The following POLG variants were observed in gnomAD, a reference collection of about 807,000 sequenced individuals.
POLG encodes DNA polymerase gamma, catalytic subunit.
POLG carries 110 observed loss-of-function variants against 155.4 expected under a neutral mutation model. That is an observed-to-expected ratio of 0.71 (90% CI 0.61 to 0.83). The LOEUF (loss-of-function observed/expected upper bound fraction) is 0.83, where lower values mean the gene tolerates loss of function less well. Ranked by LOEUF, POLG falls within the 40% of genes least tolerant of loss-of-function variation. The probability of loss-of-function intolerance (pLI) is 0.00; values close to 1 mark genes in which losing one functional copy is unlikely to be tolerated. For missense variants in POLG, 1,685 were observed against 1,627.5 expected, an observed-to-expected ratio of 1.04 and a Z score of -0.61; for synonymous variants, 701 against 631.5, an observed-to-expected ratio of 1.11 and a Z score of -1.65.
intron 12 of POLG, 108 bp from the exon 13 acceptor site, chr15:89,323,619 G>A: frequency 1.2e-6 from 1 of 834,248 alleles, no homozygotes; most frequent in East Asian, 2.6e-5. Flanking sequence ...CATCAGCTGG[G>A]AAATGACAAG....
chr15:89,328,623 C>A (rs932980713), intron 5 of POLG, 62 bp downstream of exon 5: 5 of 1,606,084 alleles, frequency 3.1e-6, no homozygotes, highest in Non-Finnish European at 4.3e-6. Context: ...AGCTGCATCT[C>A]CCCAAGTGCA....
chr15:89,319,062 C>A lies in POLG; in HGVS notation c.3142G>T (p.Ala1048Ser), dbSNP rs762244296. Reference protein sequence around the residue: ...WKKWEVVAERAWKGGTESEMF... With the variant: ...WKKWEVVAERSWKGGTESEMF... ...TCTGACTCTGTGCCCCCCTTCCATG[C>A]CCGTTCAGCAACCACCTCCCACTTC... Residue 1048 changes from alanine (A) to serine (S), a missense_variant, in exon 20 of 23, where the codon GCA (alanine) becomes TCA (serine). This residue lies in a region of POLG where 470 missense variants were observed against 439.9 expected (regional missense o/e 1.07). Transcript: ENST00000268124. The A allele has an allele frequency of 1.2e-6, 2 of 1,614,172 alleles. No individual in the cohort carries two copies. Among genetic ancestry groups the A allele is most frequent in the Middle Eastern group, 1.7e-4 (1 of 6,060 alleles).
rs754696832 is a variant in POLG, at chr15:89,330,197, G to C, written c.739C>G (p.Leu247Val). Residue 247 changes from leucine to valine, a missense_variant, in exon 3 of 23, where the codon CTG becomes GTG. By Grantham distance (32) the Leu-to-Val change is conservative. Transcript: ENST00000268124. Reference sequence around the variant, plus strand: ...CTGCTGGCACCAGTAGGGACCTCCAGGGGGATGAGGTCAGCCGGCGACAGC... The same window carrying C: ...CTGCTGGCACCAGTAGGGACCTCCACGGGGATGAGGTCAGCCGGCGACAGC... ...SQLSPADLIP[L>V]EVPTGASSPT... is the part of the protein sequence containing the mutation. 45 of 1,613,240 alleles carry C rather than the reference G, an allele frequency of 2.8e-5. No individual in the cohort carries two copies. The highest frequency in any genetic ancestry group is 3.6e-5 in the Non-Finnish European group (43 of 1,179,598).
chr15:89,333,330 A>T lies in POLG; in HGVS notation c.425T>A (p.Leu142Gln). 1.3e-6 allele frequency: 2 copies of T among 1,559,706 alleles called. No individual in the cohort carries two copies. Among genetic ancestry groups the T allele is most frequent in the South Asian group, 1.2e-5 (1 of 86,514 alleles). Residue 142 changes from leucine to glutamine, a missense_variant, in exon 2 of 23, where the codon CTG becomes CAG. Transcript: ENST00000268124. ...GDNLDQHFRL[L>Q]AQKQSLPYLE... is the part of the protein sequence containing the mutation. Reference sequence around the variant, plus strand: ...GTAGGGCAGGCTCTGCTTCTGGGCCAGGAGGCGGAAGTGCTGGTCCAGGTT... The same window carrying T: ...GTAGGGCAGGCTCTGCTTCTGGGCCTGGAGGCGGAAGTGCTGGTCCAGGTT...
chr15:89,329,884 C>A (rs2055571746), intron 3 of POLG, among the ~76,000 whole-genome samples, 197 bp downstream of exon 3: 1 of 152,172 alleles, frequency 6.6e-6, no homozygotes, highest in Non-Finnish European at 1.5e-5. Flanking sequence ...AACTTAGGTC[C>A]TATACCAGGC....
At chr15:89,325,179 A>AGAGT (rs753140211) in intron 10 of POLG, among the ~76,000 whole-genome samples, 3 of 59,470 alleles carry the variant, frequency 5.0e-5, no homozygotes, top group African/African-American at 3.2e-4. Flanking sequence ...AGAGAGTGAG[A>AGAGT]GAGTGAGTGA....
At chr15:89,331,891 G>A (rs1275347423) in intron 2 of POLG, among the ~76,000 whole-genome samples, 6 of 152,072 alleles carry the variant, frequency 3.9e-5, no homozygotes, top group African/African-American at 1.5e-4. Context: ...GGCAAGAATG[G>A]AATGAGAATG....
intron 6 of POLG, 143 bp from the exon 7 acceptor site, chr15:89,327,492 T>C: frequency 1.3e-6 from 1 of 744,792 alleles, no homozygotes; most frequent in Non-Finnish European, 2.3e-6. Flanking sequence ...CCAGCTCTAC[T>C]GTTACTCATC....
Position 89,316,329 on chromosome 15 carries a change from CTTCT to C in POLG, c.*418_*421del, listed in dbSNP as rs948105480. The C allele has an allele frequency of 4.7e-6, 7 of 1,482,580 alleles. No individual in the cohort carries two copies. Among genetic ancestry groups the C allele is most frequent in the Non-Finnish European group, 6.5e-6 (7 of 1,084,714 alleles). The allele number at this position is 1,482,580 out of a possible 1,614,324, so 91.8% of individuals were successfully genotyped here. A position where few individuals can be genotyped will look rare whatever the true frequency, so the allele number is the denominator to read the frequency against. On this transcript the variant is annotated 3_prime_UTR_variant, in exon 23 of 23. Transcript: ENST00000268124. The stretch of plus-strand genomic sequence containing the variant: ...ATGAGAAGATAGAGTCTTTTTTTTC[CTTCT>C]TTTTATTTCCACTGCCTTGGAGCAG...
rs751496337 is a variant in POLG at position 89,327,083 on chromosome 15, G to C, written c.1434-20C>G. On this transcript the variant is annotated intron_variant, in intron 7 of 22. Transcript: ENST00000268124. ...TTGTACCTACAGAGCCAGTCCACTAGGGCAGGGCTAAGGCTAAGCCGAAGG... is the reference window on the plus strand; with the variant it reads ...TTGTACCTACAGAGCCAGTCCACTACGGCAGGGCTAAGGCTAAGCCGAAGG... 12 of 1,614,088 alleles carry C rather than the reference G, an allele frequency of 7.4e-6. No individual in the cohort carries two copies. In the East Asian group the frequency reaches 2.2e-4, roughly 30 times the overall value.
rs1349619492 is a variant in POLG at position 89,325,091 on chromosome 15, AGT to A, written c.1949+357_1949+358del. Among the ~76,000 whole-genome samples, 18 of 93,808 alleles carry A rather than the reference AGT, an allele frequency of 1.9e-4. 2 individuals are homozygous for A. The East Asian group carries it at 2.9e-3, about 15-fold the overall frequency. 61.5% of individuals were successfully genotyped at this position (93,808 alleles called of 152,430 possible). On this transcript the variant is annotated intron_variant, in intron 10 of 22. Coordinates refer to ENST00000268124, the MANE Select transcript of POLG (RefSeq NM_002693.3). Reference sequence around the variant, plus strand: ...GAGTGAGTGAGTGAGTGAGAGAGTGAGTGAGTGAGAGAGTGAGAGAGAGTGAG... The same window carrying A: ...GAGTGAGTGAGTGAGTGAGAGAGTGAGAGTGAGAGAGTGAGAGAGAGTGAG...
At chr15:89,317,752 C>A in intron 21 of POLG, 2 of 544,386 alleles carry the variant, frequency 3.7e-6, no homozygotes, top group Admixed American at 3.3e-5. Flanking sequence ...ATTATGGACT[C>A]AACATACTTT....
At chr15:89,320,658 G>C (rs1038969478) in intron 18 of POLG, 108 bp downstream of exon 18, 51 of 1,264,180 alleles carry the variant, frequency 4.0e-5, no homozygotes, top group South Asian at 3.0e-4. Context: ...GAGGGGCTAG[G>C]TGAGAGTTCA....
chr15:89,317,812 C>T, intron 21 of POLG: 1 of 470,436 alleles, frequency 2.1e-6, no homozygotes, highest in South Asian at 2.2e-5. Context: ...TACGAAATCA[C>T]TTCCAATTGG....
rs776821667 is a variant in POLG at position 89,326,749 on chromosome 15, G to C, written c.1586-11C>G. On this transcript the variant is annotated splice_polypyrimidine_tract_variant and intron_variant, in intron 8 of 22. Coordinates refer to ENST00000268124, the MANE Select transcript of POLG (RefSeq NM_002693.3). ...TGCAGGGGCCGAGGTCTGTGAGGGT[G>C]GGGGAAGACAATCAGGAGCAGGAGA... 2.1e-5 allele frequency: 34 copies of C among 1,613,934 alleles called. No individual in the cohort carries two copies. Among genetic ancestry groups the C allele is most frequent in the Non-Finnish European group, 3.4e-6 (4 of 1,180,022 alleles).
At chr15:89,317,167 G>A in intron 22 of POLG, 1 of 616,972 alleles carries the variant, frequency 1.6e-6, no homozygotes, top group Admixed American at 2.7e-5. Context: ...GGTACAGGTA[G>A]AATATTTGAA....
At chr15:89,331,235 C>G (rs970728065) in intron 2 of POLG, among the ~76,000 whole-genome samples, 2 of 152,154 alleles carry the variant, frequency 1.3e-5, no homozygotes, top group Non-Finnish European at 2.9e-5. Flanking sequence ...TAGTTTTAAA[C>G]CTGACAAAAT....
chr15:89,318,187 A>AAAAC (rs551492104), intron 21 of POLG: 1 of 238,276 alleles, frequency 4.2e-6, no homozygotes, highest in Non-Finnish European at 8.3e-6. Flanking sequence ...GGGAGAAAGA[A>AAAAC]AAACAAACAT....
rs3087379 is a variant in POLG, at chr15:89,333,085, C to A, written c.659+11G>T. ...ATGCCTGCTTATGTCCCCAACCCTG[C>A]CCCTACTTACCAGGCCGAGGGGGAT... On this transcript the variant is annotated intron_variant, in intron 2 of 22. Coordinates refer to ENST00000268124, the MANE Select transcript of POLG (RefSeq NM_002693.3). 331 of 1,510,744 alleles carry A rather than the reference C, an allele frequency of 2.2e-4. 4 individuals are homozygous for A. The South Asian group carries it at 4.0e-3, about 18-fold the overall frequency. The allele number at this position is 1,510,744 out of a possible 1,614,324, so 93.6% of individuals were successfully genotyped here.
Sources: allele counts gnomAD v4.1 joint callset (sites outside exome capture counted in the v4.1 genomes callset), GRCh38; gene constraint gnomAD v4.1.1; regional missense constraint gnomAD v4.1.1; transcripts MANE v1.5; gene names NCBI Gene and HGNC (gene_info 2026-07-23, HGNC 2026-07-21).